The following GSE1 variants were observed in gnomAD, a reference collection of about 807,000 sequenced individuals.
GSE1 encodes Gse1 coiled-coil protein.
A neutral mutation model predicts 112.6 loss-of-function variants in GSE1; 32 were observed. The observed-to-expected ratio is 0.28, with a 90% confidence interval of 0.21 to 0.38. GSE1 has a LOEUF of 0.38. Ranked by LOEUF, GSE1 falls within the 10% of genes least tolerant of loss-of-function variation. The probability of loss-of-function intolerance (pLI) is 1.00; values close to 1 mark genes in which losing one functional copy is unlikely to be tolerated. For synonymous variants in GSE1, 1,115 were observed against 735.6 expected (o/e 1.52, Z -8.35); for missense variants, 2,348 against 1,699.2 (o/e 1.38, Z -6.71).
intron 2 of GSE1, among the ~76,000 whole-genome samples, chr16:85,436,125 ACT>A (rs1490538776): frequency 6.6e-6 from 1 of 152,158 alleles, no homozygotes; most frequent in African/African-American, 2.4e-5. Context: ...GTCAGGGGTC[ACT>A]GAGTGGCCTT....
intron 2 of GSE1, among the ~76,000 whole-genome samples, chr16:85,546,785 G>A (rs1465348860): frequency 6.6e-6 from 1 of 152,258 alleles, no homozygotes; most frequent in Non-Finnish European, 1.5e-5. Flanking sequence ...GCATGGCTTG[G>A]TAAGAAGCTG....
At chr16:85,395,433 A>G (rs1193001751) in intron 2 of GSE1, among the ~76,000 whole-genome samples, 5 of 152,158 alleles carry the variant, frequency 3.3e-5, no homozygotes, top group Admixed American at 1.3e-4. Flanking sequence ...AAGGCCCGAC[A>G]ATGGGTCCAG....
chr16:85,631,438 G>C lies in GSE1; in HGVS notation c.8-2476G>C, dbSNP rs534948070. Among the ~76,000 whole-genome samples the C allele has an allele frequency of 1.4e-3, 207 of 152,358 alleles. 1 individual carries two copies. The highest frequency in any genetic ancestry group is 4.8e-3 in the African/African-American group (199 of 41,592). The stretch of plus-strand genomic sequence containing the variant: ...GAAGGTGTGTGGGCTCGTGGGCCCA[G>C]GGCACGGGGCTTGTGGGCAGGGTGC... On this transcript the variant is annotated intron_variant, in intron 1 of 15. Transcript: ENST00000253458.
intron 2 of GSE1, among the ~76,000 whole-genome samples, chr16:85,476,576 C>G (rs1249836266): frequency 6.6e-6 from 1 of 152,108 alleles, no homozygotes; most frequent in East Asian, 1.9e-4. Flanking sequence ...TTTGTACGTG[C>G]TGTTCCCACT....
At chr16:85,244,087 T>C (rs1905386956) in intron 1 of GSE1, among the ~76,000 whole-genome samples, 1 of 152,026 alleles carries the variant, frequency 6.6e-6, no homozygotes, top group Non-Finnish European at 1.5e-5. Context: ...GATTGCACCA[T>C]TGCACTCCAG....
chr16:85,171,275 C>T lies in GSE1; in HGVS notation c.1751C>T (p.Ser584Leu), dbSNP rs143565950. 8,270 of 985,556 alleles carry T rather than the reference C, an allele frequency of 8.4e-3. 43 individuals carry two copies. The highest frequency in any genetic ancestry group is 9.5e-3 in the Non-Finnish European group (7,855 of 830,006). The allele number at this position is 985,556 out of a possible 1,614,324, so 61.1% of individuals were successfully genotyped here. The change falls in exon 1 of 3, where the codon TCG becomes TTG. Residue 584 changes from serine (S) to leucine (L), a missense_variant. By Grantham distance (145) the Ser-to-Leu change is moderately radical. Coordinates refer to the GSE1 transcript ENST00000637419. Reference sequence around the variant, plus strand: ...CCTGCCCTCTCCGAGCTGCCGGCGTCGGCCCAGGGCGGCCCCGTGTCCATC... The same window carrying T: ...CCTGCCCTCTCCGAGCTGCCGGCGTTGGCCCAGGGCGGCCCCGTGTCCATC...
chr16:85,491,075 C>T (rs1246598764), intron 2 of GSE1, among the ~76,000 whole-genome samples: 2 of 152,138 alleles, frequency 1.3e-5, no homozygotes, highest in Non-Finnish European at 2.9e-5. Flanking sequence ...CTGCAGGCGC[C>T]GGGGGAGGGG....
chr16:85,558,238 T>C (rs764394789), intron 1 of GSE1, among the ~76,000 whole-genome samples: 2 of 152,202 alleles, frequency 1.3e-5, no homozygotes, highest in Non-Finnish European at 2.9e-5. Context: ...TCATGCTGTA[T>C]CTGGGTTTTT....
At position 85,209,433 on chromosome 16, in the gene GSE1, C is replaced by T. The variant is rs548037675; in HGVS notation, c.2283+37626C>T. On this transcript the variant is annotated intron_variant, in intron 1 of 2. Coordinates refer to the GSE1 transcript ENST00000637419. Reference sequence around the variant, plus strand: ...TCATTTGGCATGCAGAGGAACCTGCCGCATTCTGTTCTTGAAGTCTTCTGC... The same window carrying T: ...TCATTTGGCATGCAGAGGAACCTGCTGCATTCTGTTCTTGAAGTCTTCTGC... 5.3e-5 allele frequency among the ~76,000 whole-genome samples: 8 copies of T among 152,260 alleles called. No individual in the cohort carries two copies. The South Asian group carries it at 8.3e-4, about 16-fold the overall frequency.
At chr16:85,651,068 C>T (rs1375246432) in intron 3 of GSE1, among the ~76,000 whole-genome samples, 2 of 127,602 alleles carry the variant, frequency 1.6e-5, no homozygotes, top group East Asian at 4.8e-4. Context: ...CCTCCCCCTC[C>T]GCCCCTCCTC....
chr16:85,494,882 C>T (rs1171185621), intron 2 of GSE1, among the ~76,000 whole-genome samples: 4 of 152,254 alleles, frequency 2.6e-5, no homozygotes, highest in Non-Finnish European at 5.9e-5. Flanking sequence ...AGCCCCCACA[C>T]AGAAAGGAGG....
intron 2 of GSE1, among the ~76,000 whole-genome samples, chr16:85,637,726 G>T (rs1479804578): frequency 6.6e-6 from 1 of 151,026 alleles, no homozygotes; most frequent in African/African-American, 2.4e-5. Flanking sequence ...CCCCTGCCCC[G>T]CAGGTGTAGC....
At position 85,634,007 on chromosome 16, in the gene GSE1, T is replaced by C. The variant is rs780802449; in HGVS notation, c.101T>C (p.Leu34Pro). The C allele has an allele frequency of 1.9e-6, 3 of 1,611,306 alleles. No individual in the cohort carries two copies. The highest frequency in any genetic ancestry group is 2.5e-6 in the Non-Finnish European group (3 of 1,179,196). Residue 34 changes from leucine to proline, a missense_variant, in exon 2 of 16, where the codon CTC becomes CCC. Leu to Pro is a moderately conservative substitution (Grantham distance 98, BLOSUM62 -3). Coordinates refer to ENST00000253458, the MANE Select transcript of GSE1 (RefSeq NM_014615.5). ...GTCAACCCCCTCACCCCCTCGCCGC[T>C]CAATGGCGCCCTGGTGCCCAGCGGC... Reference protein sequence around the residue: ...ATVNPLTPSPLNGALVPSGSP... With the variant: ...ATVNPLTPSPPNGALVPSGSP...
Position 85,656,725 on chromosome 16 carries a change from C to G in GSE1, c.1312+60C>G. The G allele has an allele frequency of 2.8e-6, 4 of 1,442,384 alleles. No individual in the cohort carries two copies. In the South Asian group the frequency reaches 5.8e-5, roughly 21 times the overall value. The allele number at this position is 1,442,384 out of a possible 1,614,324, so 89.3% of individuals were successfully genotyped here. A position where few individuals can be genotyped will look rare whatever the true frequency, so the allele number is the denominator to read the frequency against. ...TCTCAGCCACCCGCGGGGAGGAGCC[C>G]TGAATCGCAGCACCTGCCGGTTGCC... On this transcript the variant is annotated intron_variant, in intron 7 of 15. Transcript: ENST00000253458.
chr16:85,594,229 GGGT>G (rs1348222861), intron 1 of GSE1: 1 of 112,306 alleles, frequency 8.9e-6, no homozygotes, highest in African/African-American at 3.0e-5. Context: ...GATCCCTGGG[GGGT>G]TGGGGGGGGG....
At chr16:85,527,182 C>G (rs1266721013) in intron 2 of GSE1, among the ~76,000 whole-genome samples, 4 of 152,232 alleles carry the variant, frequency 2.6e-5, no homozygotes, top group Non-Finnish European at 5.9e-5. Flanking sequence ...TCATGCTTCC[C>G]CCTCGTGAGG....
intron 1 of GSE1, among the ~76,000 whole-genome samples, chr16:85,228,535 A>G (rs1038042731): frequency 1.3e-5 from 2 of 152,198 alleles, no homozygotes; most frequent in African/African-American, 4.8e-5. Flanking sequence ...GTGCTTTCCT[A>G]TAAAATGGGA....
intron 2 of GSE1, among the ~76,000 whole-genome samples, chr16:85,439,895 T>G (rs1436930776): frequency 6.6e-6 from 1 of 152,002 alleles, no homozygotes; most frequent in East Asian, 1.9e-4. Flanking sequence ...CACACAGGCA[T>G]GCACACCCAC....
In GSE1 at chr16:85,253,754, G is replaced by C. The variant is rs150804583; in HGVS notation, c.2283+81947G>C. Among the ~76,000 whole-genome samples, 378 of 152,284 alleles carry C rather than the reference G, an allele frequency of 2.5e-3. 1 individual carries two copies. Among genetic ancestry groups the C allele is most frequent in the African/African-American group, 8.7e-3 (361 of 41,532 alleles). On this transcript the variant is annotated intron_variant, in intron 1 of 2. Transcript: ENST00000637419. ...GTGCTCCCGGTGGAGGGAACTGTGC[G>C]TGCAAAGGCCAGGAGGTGGGACAGG...
Sources: allele counts gnomAD v4.1 joint callset (sites outside exome capture counted in the v4.1 genomes callset), GRCh38; gene constraint gnomAD v4.1.1; transcripts MANE v1.5; gene names NCBI Gene and HGNC (gene_info 2026-07-23, HGNC 2026-07-21).